TBC1D19: variants seen among roughly 807,000 people sequenced by gnomAD.
TBC1D19 encodes TBC1 domain family, member 19.
In TBC1D19, 60 loss-of-function variants were observed where a neutral mutation model predicts 89.0. The ratio of observed to expected loss-of-function variants is 0.67; its 90% CI spans 0.55 to 0.84. TBC1D19 has a LOEUF of 0.84. Among genes scored for constraint, TBC1D19 ranks in the 40% least tolerant of loss-of-function variants. The pLI, the probability that TBC1D19 is intolerant of heterozygous loss-of-function variation, is 0.00. For missense variants in TBC1D19, 500 were observed against 610.8 expected (o/e 0.82, Z 1.91); for synonymous variants, 189 against 199.7 (o/e 0.95, Z 0.45).
chr4:26,799,952 T>A, the TBC1D19 span, among the ~76,000 whole-genome samples: 55,250 of 151,798 alleles, frequency 0.36, 10,913 homozygotes, highest in East Asian at 0.56. Context: ...TTCTTTTTTT[T>A]AAAAAACTGT....
chr4:26,692,451 C>T (rs1468133779), intron 13 of TBC1D19, among the ~76,000 whole-genome samples: 1 of 152,186 alleles, frequency 6.6e-6, no homozygotes, highest in East Asian at 1.9e-4. Flanking sequence ...GAGGCTACCA[C>T]CCTCACCAGT....
chr4:26,617,795 C>T (rs969390523), intron 3 of TBC1D19, among the ~76,000 whole-genome samples: 24 of 152,080 alleles, frequency 1.6e-4, no homozygotes, highest in African/African-American at 5.8e-4. Flanking sequence ...CCTCAAGGAA[C>T]ATAAAGAAGT....
chr4:26,709,329 C>T (rs746378861), intron 13 of TBC1D19, among the ~76,000 whole-genome samples: 12 of 151,930 alleles, frequency 7.9e-5, no homozygotes, highest in Non-Finnish European at 1.5e-4. Flanking sequence ...ATCTGGCTCC[C>T]AAAGGGAATA....
intron 11 of TBC1D19, among the ~76,000 whole-genome samples, chr4:26,680,898 A>T (rs1052576695): frequency 1.3e-5 from 2 of 152,110 alleles, no homozygotes; most frequent in Non-Finnish European, 2.9e-5. Flanking sequence ...TTTTGATCTT[A>T]TTCTATTCAT....
intron 15 of TBC1D19, among the ~76,000 whole-genome samples, chr4:26,729,061 A>G (rs1269816232): frequency 6.6e-6 from 1 of 152,222 alleles, no homozygotes; most frequent in African/African-American, 2.4e-5. Context: ...AAATCTTTAT[A>G]GGTACTGTTT....
intron 11 of TBC1D19, among the ~76,000 whole-genome samples, chr4:26,676,924 A>G (rs1009970798): frequency 2.0e-5 from 3 of 152,058 alleles, no homozygotes; most frequent in Non-Finnish European, 4.4e-5. Flanking sequence ...CAAATATTAC[A>G]AACTCCCAAA....
intron 10 of TBC1D19, among the ~76,000 whole-genome samples, chr4:26,673,139 A>G (rs1712461168): frequency 1.3e-5 from 2 of 151,824 alleles, no homozygotes; most frequent in South Asian, 4.1e-4. Flanking sequence ...TGATTGTGTG[A>G]ACTTGGCTTT....
At position 26,614,444 on chromosome 4, in the gene TBC1D19, A is replaced by C; in HGVS notation, c.209A>C (p.Glu70Ala). ...EKKLQNAVYS[E>A]LSVFPLPSHP... ...AAACTTCAGAATGCTGTTTATAGTGAACTGAGTGTGTGAGTTTTCCCACCT... is the reference window on the plus strand; with the variant it reads ...AAACTTCAGAATGCTGTTTATAGTGCACTGAGTGTGTGAGTTTTCCCACCT... Residue 70 changes from glutamate (E) to alanine (A), a missense_variant, in exon 3 of 21, where the codon GAA becomes GCA. Coordinates refer to ENST00000264866, the MANE Select transcript of TBC1D19 (RefSeq NM_018317.4). The C allele has an allele frequency of 6.3e-7, 1 of 1,591,050 alleles. No individual in the cohort carries two copies. The highest frequency in any genetic ancestry group is 1.7e-4 in the Middle Eastern group (1 of 5,848).
At chr4:26,586,281 TAC>T (rs199880000) in intron 1 of TBC1D19, among the ~76,000 whole-genome samples, 3 of 151,354 alleles carry the variant, frequency 2.0e-5, no homozygotes, top group Admixed American at 1.3e-4. Flanking sequence ...GAAAATCAAT[TAC>T]ACACACACAC....
the TBC1D19 span, among the ~76,000 whole-genome samples, chr4:26,813,925 C>T: frequency 1.3e-5 from 2 of 152,278 alleles, no homozygotes; most frequent in East Asian, 1.9e-4. Context: ...TCACTGGCAC[C>T]GCCTGTCTCC....
chr4:26,668,156 A>G (rs914375498), intron 9 of TBC1D19, among the ~76,000 whole-genome samples: 6 of 152,052 alleles, frequency 3.9e-5, no homozygotes, highest in Admixed American at 3.9e-4. Context: ...TTTTATAAGA[A>G]GATATAAAAT....
At chr4:26,741,028 G>T (rs1718336711) in intron 17 of TBC1D19, 2 of 868,940 alleles carry the variant, frequency 2.3e-6, no homozygotes, top group African/African-American at 1.8e-5. Context: ...ATTTAATCTG[G>T]AATAATCAGA....
the TBC1D19 span, among the ~76,000 whole-genome samples, chr4:26,838,320 C>A: frequency 2.6e-5 from 4 of 152,204 alleles, no homozygotes; most frequent in Admixed American, 2.6e-4. Flanking sequence ...TATCAGCTTA[C>A]TGTAGAGGCT....
At chr4:26,790,261 C>T in the TBC1D19 span, among the ~76,000 whole-genome samples, 2 of 152,274 alleles carry the variant, frequency 1.3e-5, no homozygotes, top group Admixed American at 6.5e-5. Context: ...GACTCTGAGG[C>T]CCTGCGGGAT....
chr4:26,718,200 G>A (rs60503601), intron 14 of TBC1D19, among the ~76,000 whole-genome samples, 183 bp downstream of exon 14: 69,288 of 151,740 alleles, frequency 0.46, 17,571 homozygotes, highest in Admixed American at 0.6. Context: ...CACAAATCAC[G>A]GGAAAGTGGT....
intron 13 of TBC1D19, among the ~76,000 whole-genome samples, chr4:26,714,879 G>A (rs535441073): frequency 2.0e-5 from 3 of 152,106 alleles, no homozygotes; most frequent in African/African-American, 4.8e-5. Flanking sequence ...CACTCACAGA[G>A]CATCATGGTA....
chr4:26,715,453 T>G (rs985437937), intron 13 of TBC1D19, among the ~76,000 whole-genome samples: 31 of 152,118 alleles, frequency 2.0e-4, no homozygotes, highest in African/African-American at 7.0e-4. Context: ...GAAGCCAATT[T>G]AGATGGAGAC....
At chr4:26,750,120 T>A (rs1444296333) in intron 19 of TBC1D19, among the ~76,000 whole-genome samples, 2 of 152,194 alleles carry the variant, frequency 1.3e-5, no homozygotes, top group Non-Finnish European at 2.9e-5. Flanking sequence ...TATGGCTCAT[T>A]ACATGTACCC....
At chr4:26,628,067 G>T (rs1450848608) in intron 4 of TBC1D19, among the ~76,000 whole-genome samples, 16 of 152,104 alleles carry the variant, frequency 1.1e-4, no homozygotes, top group Admixed American at 1.0e-3. Flanking sequence ...TTTTGTATAA[G>T]GTGTAAGGAA....
Sources: allele counts gnomAD v4.1 joint callset (sites outside exome capture counted in the v4.1 genomes callset), GRCh38; gene constraint gnomAD v4.1.1; transcripts MANE v1.5; gene names NCBI Gene and HGNC (gene_info 2026-07-23, HGNC 2026-07-21).